DMD: variants seen among roughly 807,000 people sequenced by gnomAD.
DMD encodes mutant dystrophin.
Under a neutral mutation model 330.1 loss-of-function variants are expected in DMD, and 63 were observed. That is an observed-to-expected ratio of 0.19 (90% CI 0.16 to 0.24). The LOEUF is 0.24. Among genes scored for constraint, DMD ranks in the 10% least tolerant of loss-of-function variants. The probability of loss-of-function intolerance (pLI) is 1.00; values close to 1 mark genes in which losing one functional copy is unlikely to be tolerated. For missense variants in DMD, 3,344 were observed against 2,684.1 expected, an observed-to-expected ratio of 1.25 and a Z score of -5.43; for synonymous variants, 1,223 against 959.8, an observed-to-expected ratio of 1.27 and a Z score of -5.07.
At chrX:31,818,971 C>G (rs2092695706) in intron 50 of DMD, among the ~76,000 whole-genome samples, 1 of 110,479 alleles carries the variant, frequency 9.1e-6, no homozygotes, top group South Asian at 3.8e-4. Flanking sequence ...TCAACTTTAC[C>G]TGAAGAACCA....
At chrX:33,213,847 G>A (rs2052001987), upstream of DMD, among the ~76,000 whole-genome samples, 1 of 110,730 alleles carries the variant, frequency 9.0e-6, no homozygotes, top group Admixed American at 9.7e-5. Context: ...ACTGATTTGT[G>A]TAACCTCAAC....
chrX:33,050,408 C>G (rs1201487046), intron 1 of DMD, among the ~76,000 whole-genome samples: 1 of 111,416 alleles, frequency 9.0e-6, no homozygotes, highest in Admixed American at 9.6e-5. Flanking sequence ...AATGATTAAA[C>G]TAGATTTTTT....
At chrX:32,501,965 T>C (rs751892716) in intron 18 of DMD, 123 bp from the exon 19 acceptor site, 4 of 528,810 alleles carry the variant, frequency 7.6e-6, no homozygotes, top group Non-Finnish European at 1.3e-5. Context: ...ATCACGTGAA[T>C]CTAAAGACTT....
intron 78 of DMD, 151 bp downstream of exon 78, chrX:31,126,491 C>T: frequency 2.0e-6 from 1 of 509,572 alleles, no homozygotes; most frequent in Non-Finnish European, 3.5e-6. Flanking sequence ...TCATGAGCTG[C>T]AAGTGGAGAG....
intron 44 of DMD, among the ~76,000 whole-genome samples, chrX:32,195,911 T>C (rs1446727331): frequency 8.9e-6 from 1 of 111,945 alleles, no homozygotes. Flanking sequence ...CATAAAACAG[T>C]CTATAAGACT....
intron 67 of DMD, among the ~76,000 whole-genome samples, chrX:31,202,729 T>C (rs1293015020): frequency 9.0e-6 from 1 of 111,708 alleles, no homozygotes; most frequent in Admixed American, 9.5e-5. Context: ...TGAGAAACCC[T>C]ACATAAGAAA....
intron 44 of DMD, among the ~76,000 whole-genome samples, chrX:32,113,430 G>T (rs1348165474): frequency 8.9e-6 from 1 of 112,223 alleles, no homozygotes; most frequent in African/African-American, 3.2e-5. Flanking sequence ...CCACAAATAT[G>T]TACAATTATT....
chrX:31,813,594 A>G, intron 50 of DMD, among the ~76,000 whole-genome samples: 1 of 111,745 alleles, frequency 8.9e-6, no homozygotes, highest in Non-Finnish European at 1.9e-5. Flanking sequence ...AGTCCATTAA[A>G]CTTCTTTTTC....
At chrX:31,988,401 G>T (rs775678626) in intron 44 of DMD, among the ~76,000 whole-genome samples, 1 of 101,342 alleles carries the variant, frequency 9.9e-6, no homozygotes, top group Non-Finnish European at 2.0e-5. Context: ...GTGAACCCGG[G>T]CAGTGGAGCT....
chrX:32,680,145 C>A (rs777222727), intron 9 of DMD, among the ~76,000 whole-genome samples: 1 of 108,782 alleles, frequency 9.2e-6, no homozygotes. Context: ...AACTCCTGAA[C>A]TCATGATCCG....
intron 60 of DMD, among the ~76,000 whole-genome samples, chrX:31,424,003 T>C (rs1321391055): frequency 9.0e-6 from 1 of 111,127 alleles, no homozygotes; most frequent in African/African-American, 3.3e-5. Context: ...ACAGTCACAC[T>C]GCTGTGTGTG....
At chrX:32,337,177 C>A (rs2097719631) in intron 41 of DMD, among the ~76,000 whole-genome samples, 1 of 110,670 alleles carries the variant, frequency 9.0e-6, no homozygotes, top group Non-Finnish European at 1.9e-5. Flanking sequence ...GCAGGTATAT[C>A]CAACAAGAGT....
At chrX:32,644,373 G>C (rs1323617400) in intron 10 of DMD, 60 bp from the exon 11 acceptor site, 3 of 1,128,244 alleles carry the variant, frequency 2.7e-6, no homozygotes, top group Non-Finnish European at 3.6e-6. Flanking sequence ...GTGTGGTTTT[G>C]AGTTTTATTT....
chrX:31,831,660 G>A lies in DMD; in HGVS notation c.7200+5058C>T, dbSNP rs778251747. Among the ~76,000 whole-genome samples, 12 of 111,140 alleles carry A rather than the reference G, an allele frequency of 1.1e-4. No individual in the cohort carries two copies. In the East Asian group the frequency reaches 1.1e-3, roughly 10 times the overall value. ...GTCACCCAGGCTGGAGTGCAGTGGCGTGATCTCAGCTCACTGCAAGCTCTG... is the reference window on the plus strand; with the variant it reads ...GTCACCCAGGCTGGAGTGCAGTGGCATGATCTCAGCTCACTGCAAGCTCTG... On this transcript the variant is annotated intron_variant, in intron 49 of 78. Transcript: ENST00000357033.
chrX:31,204,636 T>G (rs894424052), intron 66 of DMD, among the ~76,000 whole-genome samples: 1 of 111,244 alleles, frequency 9.0e-6, no homozygotes, highest in East Asian at 2.8e-4. Context: ...TTGTTGTTGT[T>G]TTTTGAGACG....
chrX:32,618,616 G>A (rs1256844815), intron 11 of DMD, among the ~76,000 whole-genome samples: 2 of 110,943 alleles, frequency 1.8e-5, no homozygotes, highest in African/African-American at 6.5e-5. Flanking sequence ...CATGACACAA[G>A]TTTACCCATG....
At chrX:32,269,383 GC>G (rs1336744301) in intron 43 of DMD, among the ~76,000 whole-genome samples, 1 of 111,543 alleles carries the variant, frequency 9.0e-6, no homozygotes, top group East Asian at 2.8e-4. Flanking sequence ...CGCCCACTTG[GC>G]CCCCTTCCAG....
At chrX:31,478,051 T>A (rs1466285490) in intron 59 of DMD, 55 bp downstream of exon 59, 2 of 1,176,708 alleles carry the variant, frequency 1.7e-6, no homozygotes, top group African/African-American at 3.5e-5. Flanking sequence ...CAAGTTCAGA[T>A]TAGAAGCTCT....
At position 31,598,006 on chromosome X, in the gene DMD, A is replaced by G. The variant is rs145698280; in HGVS notation, c.8217+29667T>C. On this transcript the variant is annotated intron_variant, in intron 55 of 78. Coordinates refer to ENST00000357033, the MANE Select transcript of DMD (RefSeq NM_004006.3). ...GAATTGTCAAAGAAGATGAGTCAGTATTTACATATTGACTGTTACAAGCAC... is the reference window on the plus strand; with the variant it reads ...GAATTGTCAAAGAAGATGAGTCAGTGTTTACATATTGACTGTTACAAGCAC... Among the ~76,000 whole-genome samples the G allele has an allele frequency of 2.4e-3, 263 of 111,746 alleles. 1 individual carries two copies. The highest frequency in any genetic ancestry group is 8.0e-3 in the African/African-American group (248 of 30,814).
Sources: allele counts gnomAD v4.1 joint callset (sites outside exome capture counted in the v4.1 genomes callset), GRCh38; gene constraint gnomAD v4.1.1; transcripts MANE v1.5; gene names NCBI Gene and HGNC (gene_info 2026-07-23, HGNC 2026-07-21).